Variants in KHDRBS2 observed in about 807,000 individuals in gnomAD.
KHDRBS2 encodes KH domain-containing, RNA-binding, signal transduction-associated protein 2.
KHDRBS2 carries 26 observed loss-of-function variants against 44.3 expected under a neutral mutation model. The observed-to-expected ratio is 0.59, with a 90% CI of 0.43 to 0.81. KHDRBS2 has a LOEUF of 0.81. KHDRBS2 is among the 40% of genes least tolerant of loss of function. The pLI is 0.00. For missense variants in KHDRBS2, 476 were observed against 433.1 expected (o/e 1.10, Z -0.88); for synonymous variants, 194 against 151.1 (o/e 1.28, Z -2.08).
intron 2 of KHDRBS2, among the ~76,000 whole-genome samples, chr6:62,106,048 T>A (rs1324234212): frequency 6.6e-6 from 1 of 152,220 alleles, no homozygotes; most frequent in Non-Finnish European, 1.5e-5. Flanking sequence ...CAGTAGTCAT[T>A]CAGGAGCAGG....
chr6:62,268,360 A>C (rs1585525047), intron 1 of KHDRBS2, among the ~76,000 whole-genome samples: 1 of 152,092 alleles, frequency 6.6e-6, no homozygotes, highest in Admixed American at 6.6e-5. Context: ...ATAGTGGTTT[A>C]GTACTTGAGG....
intron 5 of KHDRBS2, among the ~76,000 whole-genome samples, chr6:61,900,767 T>A (rs1406837176): frequency 6.6e-6 from 1 of 152,206 alleles, no homozygotes; most frequent in Non-Finnish European, 1.5e-5. Context: ...GAAGACTATA[T>A]CAATTCAAGA....
chr6:61,757,860 G>C (rs1444070576), intron 6 of KHDRBS2, among the ~76,000 whole-genome samples: 1 of 152,070 alleles, frequency 6.6e-6, no homozygotes, highest in Admixed American at 6.6e-5. Context: ...AATAACGAAA[G>C]GTGTTTTCCA....
chr6:62,009,168 T>C (rs181668466), intron 3 of KHDRBS2, among the ~76,000 whole-genome samples: 1 of 152,106 alleles, frequency 6.6e-6, no homozygotes, highest in African/African-American at 2.4e-5. Flanking sequence ...CAGTCTGAGG[T>C]GGTCTCAGAT....
chr6:61,547,043 T>C, the KHDRBS2 span, among the ~76,000 whole-genome samples: 1 of 151,928 alleles, frequency 6.6e-6, no homozygotes, highest in Non-Finnish European at 1.5e-5. Context: ...TCACTCAGAT[T>C]AGGGCAATTT....
intron 1 of KHDRBS2, among the ~76,000 whole-genome samples, chr6:62,187,070 G>A (rs560376687): frequency 1.3e-5 from 2 of 152,216 alleles, no homozygotes; most frequent in Admixed American, 1.3e-4. Flanking sequence ...CACTTTGTGT[G>A]TCAGAGTTCC....
chr6:62,059,816 C>T (rs1225767586), intron 2 of KHDRBS2, among the ~76,000 whole-genome samples: 2 of 151,070 alleles, frequency 1.3e-5, no homozygotes, highest in African/African-American at 4.9e-5. Context: ...TTGAGGAACA[C>T]GTATATTCAG....
intron 2 of KHDRBS2, among the ~76,000 whole-genome samples, chr6:62,100,995 T>G (rs900503379): frequency 6.6e-6 from 1 of 152,224 alleles, no homozygotes; most frequent in Non-Finnish European, 1.5e-5. Context: ...CCAATAGTTT[T>G]ACAGGCAGAA....
the KHDRBS2 span, among the ~76,000 whole-genome samples, chr6:61,628,914 C>T: frequency 3.3e-5 from 5 of 152,140 alleles, no homozygotes; most frequent in Admixed American, 6.5e-5. Context: ...TAGATGCATA[C>T]GTTTTTCAGT....
chr6:61,641,487 T>C, the KHDRBS2 span, among the ~76,000 whole-genome samples: 1 of 152,282 alleles, frequency 6.6e-6, no homozygotes, highest in Admixed American at 6.5e-5. Context: ...TATTAAAGCA[T>C]CTCTTTTTAA....
At chr6:61,804,342 C>A (rs1390249506) in intron 6 of KHDRBS2, among the ~76,000 whole-genome samples, 4 of 152,164 alleles carry the variant, frequency 2.6e-5, no homozygotes, top group Non-Finnish European at 5.9e-5. Context: ...AGCCCCATCC[C>A]TGTGGCTTTG....
the KHDRBS2 span, among the ~76,000 whole-genome samples, chr6:61,598,450 T>C: frequency 6.6e-6 from 1 of 152,174 alleles, no homozygotes; most frequent in African/African-American, 2.4e-5. Context: ...TTGTATTCTA[T>C]AGGGTCTCAG....
the KHDRBS2 span, among the ~76,000 whole-genome samples, chr6:61,631,642 G>A: frequency 1.3e-5 from 2 of 152,080 alleles, no homozygotes; most frequent in Non-Finnish European, 2.9e-5. Flanking sequence ...TAAGCTGGGA[G>A]CAACAATATG....
chr6:62,171,282 T>C (rs1256888133), intron 2 of KHDRBS2, among the ~76,000 whole-genome samples: 1 of 151,910 alleles, frequency 6.6e-6, no homozygotes, highest in African/African-American at 2.4e-5. Flanking sequence ...AAAAATTTAA[T>C]AATACAATCA....
In KHDRBS2 at chr6:62,100,466, A is replaced by G. The variant is rs552935311; in HGVS notation, c.220-52472T>C. Among the ~76,000 whole-genome samples the G allele has an allele frequency of 2.0e-5, 3 of 152,336 alleles. No homozygotes were observed. The South Asian group carries it at 6.2e-4, about 32-fold the overall frequency. On this transcript the variant is annotated intron_variant, in intron 2 of 8. Coordinates refer to ENST00000281156, the MANE Select transcript of KHDRBS2 (RefSeq NM_152688.4). Reference sequence around the variant, plus strand: ...GAAGTTTTACTGTGAGTAAAATGCTATCAAACAGCATCACATGCTACAGAG... The same window carrying G: ...GAAGTTTTACTGTGAGTAAAATGCTGTCAAACAGCATCACATGCTACAGAG...
chr6:61,681,093 T>C (rs780733328), intron 8 of KHDRBS2, 33 bp from the exon 9 acceptor site: 1 of 1,441,080 alleles, frequency 6.9e-7, no homozygotes, highest in Admixed American at 1.7e-5. Flanking sequence ...AACACACACA[T>C]GACTTCACAG....
chr6:61,550,766 C>CT, the KHDRBS2 span, among the ~76,000 whole-genome samples: 8,442 of 116,930 alleles, frequency 0.072, 550 homozygotes, highest in African/African-American at 0.14. Flanking sequence ...GAGATGGTAT[C>CT]TTTTTTTTTT....
intron 5 of KHDRBS2, among the ~76,000 whole-genome samples, chr6:61,895,640 T>A (rs1381620797): frequency 6.6e-6 from 1 of 152,210 alleles, no homozygotes; most frequent in Non-Finnish European, 1.5e-5. Context: ...TTTTATGGCA[T>A]TTTGAAGCCT....
intron 1 of KHDRBS2, among the ~76,000 whole-genome samples, chr6:62,258,043 C>T (rs1837696019): frequency 6.6e-6 from 1 of 152,000 alleles, no homozygotes; most frequent in Admixed American, 6.6e-5. Flanking sequence ...ATGCCACAGA[C>T]CAGAATACCT....
Sources: allele counts gnomAD v4.1 joint callset (sites outside exome capture counted in the v4.1 genomes callset), GRCh38; gene constraint gnomAD v4.1.1; transcripts MANE v1.5; gene names NCBI Gene and HGNC (gene_info 2026-07-23, HGNC 2026-07-21).